The following RMP64 variants were observed in gnomAD, a reference collection of about 807,000 sequenced individuals.
RMP64 encodes ribonuclease MRP subunit p64.
the RMP64 span, chr3:113,008,219 T>C: frequency 6.8e-6 from 11 of 1,614,182 alleles, no homozygotes; most frequent in African/African-American, 6.7e-5. Context: ...TTTAAGAAGT[T>C]TGTTACCCAG....
At chr3:113,012,512 T>C in the RMP64 span, 3 of 367,688 alleles carry the variant, frequency 8.2e-6, no homozygotes, top group African/African-American at 2.1e-5. Flanking sequence ...TGTTCAGTGA[T>C]TGGGCTGATC....
At chr3:113,017,565 G>A in the RMP64 span, 33 of 1,613,968 alleles carry the variant, frequency 2.0e-5, no homozygotes, top group Admixed American at 1.2e-4. Flanking sequence ...ACAGTATGAC[G>A]AGATGGCATT....
At chr3:113,003,371 G>A in the RMP64 span, 3 of 152,024 alleles carry the variant, frequency 2.0e-5, no homozygotes, top group Non-Finnish European at 2.9e-5. Context: ...AATTCACTAC[G>A]ATGACCCTGA....
At chr3:113,008,102 G>T in the RMP64 span, 2 of 1,424,132 alleles carry the variant, frequency 1.4e-6, no homozygotes, top group South Asian at 1.2e-5. Flanking sequence ...AAAGAAAAGT[G>T]ACCTGAATAC....
chr3:113,019,616 G>T, the RMP64 span: 95 of 1,613,690 alleles, frequency 5.9e-5, no homozygotes, highest in Non-Finnish European at 7.9e-5. Context: ...ACGGTTCCAC[G>T]GCTCCAGGCC....
chr3:113,005,787 C>T, the RMP64 span: 7 of 1,613,930 alleles, frequency 4.3e-6, no homozygotes, highest in Admixed American at 8.3e-5. Flanking sequence ...CTCCACTTAG[C>T]ACTGGTATCT....
chr3:113,013,936 C>T, the RMP64 span: 3 of 1,579,522 alleles, frequency 1.9e-6, no homozygotes, highest in African/African-American at 1.3e-5. Context: ...CACAAAGCAA[C>T]TGGACCACTT....
the RMP64 span, among the ~76,000 whole-genome samples, chr3:113,007,659 A>T: frequency 6.6e-6 from 1 of 151,888 alleles, no homozygotes; most frequent in African/African-American, 2.4e-5. Context: ...AAAATCACAG[A>T]AAAGAAATAT....
the RMP64 span, among the ~76,000 whole-genome samples, chr3:113,018,402 G>C: frequency 6.6e-6 from 1 of 152,198 alleles, no homozygotes; most frequent in African/African-American, 2.4e-5. Flanking sequence ...TTTGAATAGA[G>C]AAAGAGGGAA....
At chr3:113,004,380 A>G in the RMP64 span, 2 of 152,198 alleles carry the variant, frequency 1.3e-5, no homozygotes, top group African/African-American at 4.8e-5. Flanking sequence ...CAAAAAGTCT[A>G]AAGTTTGAGA....
At chr3:113,005,029 T>G in the RMP64 span, 1 of 162,770 alleles carries the variant, frequency 6.1e-6, no homozygotes, top group Admixed American at 5.7e-5. Flanking sequence ...TGTTGATCAA[T>G]TCCAACATAT....
chr3:113,010,820 A>G, the RMP64 span: 2 of 935,938 alleles, frequency 2.1e-6, no homozygotes, highest in Admixed American at 2.5e-5. Flanking sequence ...AAAGGAATAA[A>G]GCAAGCAAAT....
At chr3:113,005,594 G>C in the RMP64 span, 1 of 1,613,918 alleles carries the variant, frequency 6.2e-7, no homozygotes, top group Admixed American at 1.7e-5. Flanking sequence ...AATGGTTCCT[G>C]ATGTACTGTT....
At chr3:113,008,320 T>G in the RMP64 span, 5 of 1,614,018 alleles carry the variant, frequency 3.1e-6, no homozygotes, top group African/African-American at 6.7e-5. Context: ...ACTCAGCCTC[T>G]CGGAATCTTT....
the RMP64 span, chr3:113,005,880 G>A: frequency 1.9e-6 from 3 of 1,613,754 alleles, no homozygotes; most frequent in Non-Finnish European, 1.7e-6. Flanking sequence ...GGTTTCCTTT[G>A]TCTCCGTAAA....
chr3:113,012,838 C>T, the RMP64 span: 1 of 1,373,240 alleles, frequency 7.3e-7, no homozygotes, highest in Admixed American at 1.7e-5. Context: ...AGGTAGAAAA[C>T]AAAATCAAAG....
chr3:113,011,110 ATT>A, the RMP64 span: 2 of 1,612,784 alleles, frequency 1.2e-6, no homozygotes, highest in South Asian at 1.1e-5. Flanking sequence ...ATTGATCTTC[ATT>A]TGTTTAGCTT....
At chr3:113,005,561 T>C in the RMP64 span, 1 of 1,612,112 alleles carries the variant, frequency 6.2e-7, no homozygotes, top group Non-Finnish European at 8.5e-7. Context: ...AGCAAAAATA[T>C]CATCAATGTC....
At chr3:113,012,558 C>T in the RMP64 span, 22,490 of 463,922 alleles carry the variant, frequency 0.048, 954 homozygotes, top group African/African-American at 0.14. Flanking sequence ...TCCTTTGATA[C>T]AGCCATCAGC....
Sources: gnomAD v4.1 joint callset for allele counts (sites outside exome capture counted in the v4.1 genomes callset) on GRCh38, gnomAD v4.1.1 for gene constraint, MANE v1.5 for transcripts, NCBI Gene and HGNC (gene_info 2026-07-23, HGNC 2026-07-21) for gene names.